NTRK3: variants seen among roughly 807,000 people sequenced by gnomAD.
The protein encoded by NTRK3 is NT-3 growth factor receptor.
In NTRK3, 24 loss-of-function variants were observed where a neutral mutation model predicts 91.7. That is an observed-to-expected ratio of 0.26 (90% CI 0.19 to 0.37). The LOEUF is 0.37. Among genes scored for constraint, NTRK3 ranks in the 10% least tolerant of loss-of-function variants. The pLI, the probability that NTRK3 is intolerant of heterozygous loss-of-function variation, is 1.00. For synonymous variants in NTRK3, 483 were observed against 404.0 expected, an observed-to-expected ratio of 1.20 and a Z score of -2.34; for missense variants, 880 against 1,068.9, an observed-to-expected ratio of 0.82 and a Z score of 2.46.
chr15:87,925,921 T>C (rs921795924), intron 17 of NTRK3, among the ~76,000 whole-genome samples: 15 of 152,244 alleles, frequency 9.9e-5, no homozygotes, highest in Admixed American at 7.9e-4. Context: ...TGAGGGGGAC[T>C]AGTAAGATAA....
At chr15:88,098,517 G>A (rs532530842) in intron 13 of NTRK3, 4 of 220,812 alleles carry the variant, frequency 1.8e-5, no homozygotes, top group Admixed American at 1.7e-4. Context: ...TGGGTGGGAT[G>A]GAAATACTCA....
intron 14 of NTRK3, among the ~76,000 whole-genome samples, chr15:87,975,802 C>G (rs2073668382): frequency 6.6e-6 from 1 of 152,328 alleles, no homozygotes; most frequent in East Asian, 1.9e-4. Flanking sequence ...TTCCAACTCT[C>G]CTTGGGTCTT....
At chr15:87,999,260 A>C (rs1019649967) in intron 14 of NTRK3, among the ~76,000 whole-genome samples, 1 of 152,218 alleles carries the variant, frequency 6.6e-6, no homozygotes, top group Non-Finnish European at 1.5e-5. Flanking sequence ...ACAATGGAAA[A>C]GATATTCTTC....
chr15:88,222,926 A>G (rs1453483267), intron 3 of NTRK3, among the ~76,000 whole-genome samples: 4 of 152,198 alleles, frequency 2.6e-5, no homozygotes, highest in Non-Finnish European at 5.9e-5. Context: ...TCCCTGAGGA[A>G]CCCGCAGGAT....
chr15:88,093,467 T>C (rs1343376501), intron 13 of NTRK3, among the ~76,000 whole-genome samples: 3 of 152,218 alleles, frequency 2.0e-5, no homozygotes, highest in Non-Finnish European at 4.4e-5. Flanking sequence ...CTTCTTCTCA[T>C]GCTTATGGAT....
At chr15:87,892,110 A>G (rs1034168559) in intron 17 of NTRK3, among the ~76,000 whole-genome samples, 20 of 151,328 alleles carry the variant, frequency 1.3e-4, no homozygotes, top group African/African-American at 4.9e-4. Context: ...ACACACACAC[A>G]CACGCACGCA....
At chr15:87,885,815 T>G in intron 17 of NTRK3, 80 bp from the exon 18 acceptor site, 4 of 534,804 alleles carry the variant, frequency 7.5e-6, no homozygotes, top group Non-Finnish European at 1.2e-5. Context: ...AAGGAAGGCC[T>G]TCCTAAATAA....
chr15:88,090,268 G>A lies in NTRK3; in HGVS notation c.1396+36003C>T, dbSNP rs548201991. 5.9e-5 allele frequency among the ~76,000 whole-genome samples: 9 copies of A among 152,166 alleles called. No individual in the cohort carries two copies. The South Asian group carries it at 8.3e-4, about 14-fold the overall frequency. On this transcript the variant is annotated intron_variant, in intron 13 of 18. Coordinates refer to ENST00000394480, the Ensembl canonical transcript of NTRK3. ...GTTTGTCTCTCCTGCTCCCCACCTC[G>A]GTCCCCACCAGAATGTAAGCTTCAC... is the stretch of plus-strand genomic sequence containing the variant.
chr15:87,910,359 A>G (rs1402212355), intron 17 of NTRK3, among the ~76,000 whole-genome samples: 5 of 152,212 alleles, frequency 3.3e-5, no homozygotes, highest in African/African-American at 9.6e-5. Flanking sequence ...AAGACATAGC[A>G]GGCTGGTGAT....
chr15:88,029,490 G>GA (rs2078337664), intron 14 of NTRK3, among the ~76,000 whole-genome samples: 1 of 152,178 alleles, frequency 6.6e-6, no homozygotes, highest in African/African-American at 2.4e-5. Context: ...AGTACAGAAA[G>GA]AAAAGCACAT....
chr15:88,132,361 T>A (rs2041441600), intron 10 of NTRK3, among the ~76,000 whole-genome samples: 1 of 152,214 alleles, frequency 6.6e-6, no homozygotes, highest in Admixed American at 6.5e-5. Flanking sequence ...CATGGTAGCT[T>A]AGATGGGAGA....
chr15:88,047,211 T>C (rs559129297), intron 13 of NTRK3, among the ~76,000 whole-genome samples: 49 of 152,336 alleles, frequency 3.2e-4, no homozygotes, highest in Non-Finnish European at 5.6e-4. Flanking sequence ...TGGCTGCTCA[T>C]TGAACAGGTG....
intron 5 of NTRK3, among the ~76,000 whole-genome samples, chr15:88,160,917 G>A (rs79126227): frequency 0.012 from 1,833 of 152,294 alleles, 21 homozygotes; most frequent in African/African-American, 0.042. Flanking sequence ...GACCTGCCCT[G>A]AGAAAGTTAT....
At chr15:87,917,462 T>C (rs2067524116) in intron 17 of NTRK3, among the ~76,000 whole-genome samples, 1 of 152,182 alleles carries the variant, frequency 6.6e-6, no homozygotes, top group Non-Finnish European at 1.5e-5. Context: ...TCTTTAAAAT[T>C]GAATGATTTG....
chr15:87,945,081 G>T (rs2070317773), intron 14 of NTRK3, among the ~76,000 whole-genome samples: 1 of 152,216 alleles, frequency 6.6e-6, no homozygotes, highest in African/African-American at 2.4e-5. Context: ...ACACTGGAAG[G>T]GGAGGCAGGG....
chr15:88,060,655 C>T (rs569930150), intron 13 of NTRK3, among the ~76,000 whole-genome samples: 29 of 152,190 alleles, frequency 1.9e-4, no homozygotes, highest in African/African-American at 6.5e-4. Context: ...GAACTGAGCA[C>T]GGGGGAACAG....
chr15:88,126,238 A>G, intron 13 of NTRK3, 33 bp downstream of exon 13: 14 of 1,449,856 alleles, frequency 9.7e-6, no homozygotes, highest in Non-Finnish European at 1.4e-5. Flanking sequence ...GTTTCCCCCC[A>G]TGACGCCCTT....
intron 3 of NTRK3, among the ~76,000 whole-genome samples, chr15:88,190,565 T>C (rs577032498): frequency 6.6e-6 from 1 of 152,340 alleles, no homozygotes; most frequent in Admixed American, 6.5e-5. Context: ...TGGCTCTTTT[T>C]TTGATATTAG....
chr15:88,223,906 G>A (rs750254733), intron 3 of NTRK3, among the ~76,000 whole-genome samples: 1 of 152,192 alleles, frequency 6.6e-6, no homozygotes, highest in African/African-American at 2.4e-5. Context: ...GGCATGGGAG[G>A]TGTTATTAGG....
Sources: gnomAD v4.1 joint callset for allele counts (sites outside exome capture counted in the v4.1 genomes callset) on GRCh38, gnomAD v4.1.1 for gene constraint, MANE v1.5 for transcripts, NCBI Gene and HGNC (gene_info 2026-07-23, HGNC 2026-07-21) for gene names.